Variants in DNAH9 observed in about 807,000 individuals in gnomAD.
DNAH9 encodes the protein dynein axonemal heavy chain 9.
Under a neutral mutation model 471.6 loss-of-function variants are expected in DNAH9, and 345 were observed. That is an observed-to-expected ratio of 0.73 (90% confidence interval 0.67 to 0.80). The LOEUF is 0.80. Ranked by LOEUF, DNAH9 falls within the 30% of genes least tolerant of loss-of-function variation. The pLI is 0.00. For synonymous variants in DNAH9, 2,093 were observed against 2,123.6 expected (o/e 0.99, Z 0.40); for missense variants, 5,407 against 5,609.2 (o/e 0.96, Z 1.15).
At chr17:11,680,641 C>G in intron 18 of DNAH9, 82 bp from the exon 19 acceptor site, 1 of 1,177,348 alleles carries the variant, frequency 8.5e-7, no homozygotes, top group Non-Finnish European at 1.2e-6. Context: ...CAGATGGAAG[C>G]ATCTGGGCTC....
chr17:11,642,064 G>A (rs1597422170), intron 10 of DNAH9, among the ~76,000 whole-genome samples: 1 of 152,236 alleles, frequency 6.6e-6, no homozygotes, highest in South Asian at 2.1e-4. Flanking sequence ...AAAGAGGGAG[G>A]CAGCGGTACT....
At chr17:11,888,893 G>A (rs147745480) in intron 57 of DNAH9, among the ~76,000 whole-genome samples, 9 of 152,306 alleles carry the variant, frequency 5.9e-5, no homozygotes, top group Admixed American at 4.6e-4. Flanking sequence ...ATAGGCCAAC[G>A]TGGCAGGAAC....
intron 13 of DNAH9, among the ~76,000 whole-genome samples, chr17:11,652,023 A>G (rs1309291644): frequency 2.0e-5 from 3 of 152,210 alleles, no homozygotes; most frequent in Non-Finnish European, 4.4e-5. Context: ...TAGTTGATTC[A>G]TGAAAGTCTT....
chr17:11,947,762 G>A (rs1975182781), intron 67 of DNAH9, among the ~76,000 whole-genome samples: 1 of 149,024 alleles, frequency 6.7e-6, no homozygotes, highest in East Asian at 2.0e-4. Context: ...TCTGGGAGGG[G>A]CTGGGAACTA....
chr17:11,675,027 A>G (rs1468046893), intron 17 of DNAH9, among the ~76,000 whole-genome samples: 1 of 152,114 alleles, frequency 6.6e-6, no homozygotes, highest in Non-Finnish European at 1.5e-5. Context: ...TAGGATTTTA[A>G]TTATATTTGT....
chr17:11,735,924 C>T (rs1391344836), intron 28 of DNAH9, among the ~76,000 whole-genome samples: 4 of 152,222 alleles, frequency 2.6e-5, no homozygotes, highest in African/African-American at 7.2e-5. Context: ...GCATGTGCTT[C>T]GGCACCAGAT....
intron 48 of DNAH9, among the ~76,000 whole-genome samples, chr17:11,828,482 A>AAAAAAT (rs1411286623): frequency 6.6e-6 from 1 of 151,890 alleles, no homozygotes; most frequent in Non-Finnish European, 1.5e-5. Flanking sequence ...TCAAAAAAAA[A>AAAAAAT]AAAAATAGTG....
chr17:11,864,851 C>A (rs1425105866), intron 50 of DNAH9, among the ~76,000 whole-genome samples: 1 of 151,378 alleles, frequency 6.6e-6, no homozygotes, highest in East Asian at 1.9e-4. Flanking sequence ...CAACCCCTGC[C>A]TTTTTTTGTT....
rs534102096 is a variant in DNAH9, at chr17:11,638,630, C to G, written c.1787-1640C>G. The stretch of plus-strand genomic sequence containing the variant: ...TCGAACTCTCGACCTTATGATCTGC[C>G]TGCCTCAGCCTCCCAAAGTGCTGGG... On this transcript the variant is annotated intron_variant, in intron 9 of 68. Transcript: ENST00000262442. Among the ~76,000 whole-genome samples, 4 of 152,258 alleles carry G rather than the reference C, an allele frequency of 2.6e-5. No homozygotes were observed. In the South Asian group the frequency reaches 6.2e-4, roughly 24 times the overall value.
At chr17:11,609,115 G>C (rs2072571914) in intron 2 of DNAH9, among the ~76,000 whole-genome samples, 1 of 152,206 alleles carries the variant, frequency 6.6e-6, no homozygotes, top group Non-Finnish European at 1.5e-5. Flanking sequence ...CTGCCACACT[G>C]TCAGGAGTTT....
intron 14 of DNAH9, 43 bp downstream of exon 14, chr17:11,653,045 G>A (rs1307526323): frequency 6.3e-7 from 1 of 1,598,516 alleles, no homozygotes; most frequent in Admixed American, 1.7e-5. Context: ...CGAGTTTAGG[G>A]AAAGCATCAA....
At chr17:11,704,543 G>A in intron 25 of DNAH9, 101 bp downstream of exon 25, 1 of 1,119,860 alleles carries the variant, frequency 8.9e-7, no homozygotes, top group South Asian at 1.6e-5. Context: ...GTACAGCACT[G>A]ACCAGACAGC....
At chr17:11,608,827 TCTGGCTTTGTTGGGAC>T (rs1279310895) in intron 2 of DNAH9, among the ~76,000 whole-genome samples, 2 of 152,126 alleles carry the variant, frequency 1.3e-5, no homozygotes, top group Non-Finnish European at 1.5e-5. Flanking sequence ...TAGTAGCAAA[TCTGGCTTTGTTGGGAC>T]CTGGCTTTGT....
At chr17:11,715,760 GT>G (rs2074949155) in intron 26 of DNAH9, among the ~76,000 whole-genome samples, 1 of 152,170 alleles carries the variant, frequency 6.6e-6, no homozygotes, top group Non-Finnish European at 1.5e-5. Flanking sequence ...GGATGCTTTT[GT>G]TTTTAAGGTA....
At position 11,892,699 on chromosome 17, in the gene DNAH9, C is replaced by T. The variant is rs116826732; in HGVS notation, c.11283+752C>T. Among the ~76,000 whole-genome samples, 85 of 152,120 alleles carry T rather than the reference C, an allele frequency of 5.6e-4. No homozygotes were observed. Among genetic ancestry groups the T allele is most frequent in the African/African-American group, 1.9e-3 (80 of 41,512 alleles). ...CCGTGTAGCTGGGATTACAGGTGTG[C>T]GCCACCAGGCCCAGCGAATTTTTTT... On this transcript the variant is annotated intron_variant, in intron 58 of 68. Coordinates refer to ENST00000262442, the MANE Select transcript of DNAH9 (RefSeq NM_001372.4). This position sits in a 1 kb window ranked among gnomAD's most constrained non-coding sequence, Gnocchi z 4.3.
At chr17:11,747,858 A>G in intron 32 of DNAH9, 92 bp downstream of exon 32, 1 of 1,169,736 alleles carries the variant, frequency 8.5e-7, no homozygotes. Flanking sequence ...GCAGAAGCAA[A>G]CATTGGACTG....
At chr17:11,944,276 A>C (rs566656575) in intron 67 of DNAH9, among the ~76,000 whole-genome samples, 1 of 152,318 alleles carries the variant, frequency 6.6e-6, no homozygotes, top group Non-Finnish European at 1.5e-5. Context: ...AAACAGACAC[A>C]CACACTGATA....
chr17:11,838,653 T>A (rs1970927725), intron 49 of DNAH9, among the ~76,000 whole-genome samples: 1 of 152,080 alleles, frequency 6.6e-6, no homozygotes, highest in Admixed American at 6.6e-5. Context: ...CAGGGGAGGC[T>A]CTAAAGGTGA....
chr17:11,627,659 G>A (rs1228131550), intron 6 of DNAH9, among the ~76,000 whole-genome samples: 6 of 152,122 alleles, frequency 3.9e-5, no homozygotes, highest in African/African-American at 1.4e-4. Flanking sequence ...CCCACCATTA[G>A]TGGCAAAAGT....
Sources: allele counts gnomAD v4.1 joint callset (sites outside exome capture counted in the v4.1 genomes callset), GRCh38; gene constraint gnomAD v4.1.1; non-coding constraint Gnocchi (gnomAD v3.1); transcripts MANE v1.5; gene names NCBI Gene and HGNC (gene_info 2026-07-23, HGNC 2026-07-21).